The following PARD3 variants were observed in gnomAD, a reference collection of about 807,000 sequenced individuals.
PARD3 encodes the protein partitioning defective 3 homolog.
PARD3 carries 75 observed loss-of-function variants against 155.4 expected under a neutral mutation model. The ratio of observed to expected loss-of-function variants is 0.48; its 90% CI spans 0.40 to 0.58. PARD3 has a LOEUF of 0.58. PARD3 is among the 20% of genes least tolerant of loss of function. The pLI is 0.00. For missense variants in PARD3, 1,642 were observed against 1,721.7 expected, an observed-to-expected ratio of 0.95 and a Z score of 0.82; for synonymous variants, 576 against 610.5, an observed-to-expected ratio of 0.94 and a Z score of 0.83.
chr10:34,486,958 C>G (rs1398224318), intron 3 of PARD3, among the ~76,000 whole-genome samples: 1 of 152,100 alleles, frequency 6.6e-6, no homozygotes, highest in Non-Finnish European at 1.5e-5. Context: ...TTTATTCTCT[C>G]TCTCCAGGCC....
intron 22 of PARD3, among the ~76,000 whole-genome samples, chr10:34,140,072 C>T (rs935717706): frequency 1.3e-5 from 2 of 152,074 alleles, no homozygotes; most frequent in Non-Finnish European, 2.9e-5. Context: ...CATTACACCC[C>T]GTGTGTTAAA....
chr10:34,172,664 C>T (rs1228681111), intron 22 of PARD3, among the ~76,000 whole-genome samples: 1 of 150,286 alleles, frequency 6.7e-6, no homozygotes, highest in Middle Eastern at 3.4e-3. Flanking sequence ...ACTCACTGCA[C>T]AAGTCAGTTT....
At chr10:34,732,337 T>A (rs1017514053) in intron 1 of PARD3, among the ~76,000 whole-genome samples, 1 of 152,178 alleles carries the variant, frequency 6.6e-6, no homozygotes, top group Non-Finnish European at 1.5e-5. Flanking sequence ...CACTAATCCC[T>A]TTGTCCACCC....
intron 22 of PARD3, among the ~76,000 whole-genome samples, chr10:34,149,668 TC>T (rs1386496161): frequency 6.6e-6 from 1 of 152,166 alleles, no homozygotes; most frequent in Non-Finnish European, 1.5e-5. Context: ...ATAAGAAAAT[TC>T]ATGAATCTCA....
chr10:34,284,010 G>C, intron 21 of PARD3, 125 bp downstream of exon 21: 2 of 620,814 alleles, frequency 3.2e-6, no homozygotes, highest in South Asian at 1.9e-5. Flanking sequence ...ATCAATATTT[G>C]GGTTGATACA....
chr10:34,177,894 C>T (rs1431679825), intron 22 of PARD3, among the ~76,000 whole-genome samples: 1 of 152,176 alleles, frequency 6.6e-6, no homozygotes, highest in Non-Finnish European at 1.5e-5. Flanking sequence ...CTGAGGACTT[C>T]TGGCCCTCAG....
At chr10:34,735,589 G>A (rs1013897313) in intron 1 of PARD3, among the ~76,000 whole-genome samples, 3 of 152,080 alleles carry the variant, frequency 2.0e-5, no homozygotes, top group African/African-American at 7.2e-5. Flanking sequence ...GGCTTCATCA[G>A]CAATGAATAT....
At chr10:34,207,735 A>T (rs762835978) in intron 22 of PARD3, among the ~76,000 whole-genome samples, 29 of 152,360 alleles carry the variant, frequency 1.9e-4, no homozygotes, top group Non-Finnish European at 5.9e-5. Context: ...GATATTTACC[A>T]AGAGTTTCGT....
At chr10:34,301,818 CTTT>C (rs5784408) in intron 20 of PARD3, among the ~76,000 whole-genome samples, 9 of 125,866 alleles carry the variant, frequency 7.2e-5, no homozygotes, top group African/African-American at 2.7e-4. Flanking sequence ...TTTCTCCTTT[CTTT>C]TTTTTTTTTT....
intron 3 of PARD3, among the ~76,000 whole-genome samples, chr10:34,510,128 C>G (rs77008664): frequency 9.5e-4 from 144 of 152,238 alleles, no homozygotes; most frequent in African/African-American, 3.3e-3. Context: ...CATTTACTCC[C>G]TAAGTTCTGA....
chr10:34,576,293 A>G (rs2086881935), intron 2 of PARD3, among the ~76,000 whole-genome samples: 1 of 152,124 alleles, frequency 6.6e-6, no homozygotes, highest in African/African-American at 2.4e-5. Flanking sequence ...CCTCACCCCA[A>G]TTCTCGCCAT....
intron 2 of PARD3, among the ~76,000 whole-genome samples, chr10:34,656,474 T>C (rs1431864957): frequency 6.6e-6 from 1 of 152,162 alleles, no homozygotes; most frequent in Non-Finnish European, 1.5e-5. Context: ...ATATCGAGGG[T>C]AGCATAATTA....
At chr10:34,182,812 G>A (rs934131490) in intron 22 of PARD3, among the ~76,000 whole-genome samples, 4 of 151,086 alleles carry the variant, frequency 2.6e-5, no homozygotes, top group Non-Finnish European at 4.4e-5. Context: ...TTAGTGAGAC[G>A]TAACTATTGG....
At chr10:34,719,830 A>C (rs558293843) in intron 1 of PARD3, among the ~76,000 whole-genome samples, 1 of 152,342 alleles carries the variant, frequency 6.6e-6, no homozygotes, top group South Asian at 2.1e-4. Flanking sequence ...GCACCTCCTC[A>C]TATGTGAAAT....
rs115076370 is a variant in PARD3, at chr10:34,382,689, G to A, written c.1250C>T (p.Ser417Phe). The change falls in exon 9 of 25, where the codon TCT becomes TTT. Residue 417 changes from serine (S) to phenylalanine (F), a missense_variant. This residue lies in a region of PARD3 where 1,529 missense variants were observed against 1,587.3 expected (regional missense o/e 0.96). Coordinates refer to ENST00000374788, the MANE Select transcript of PARD3 (RefSeq NM_001184785.2). ...RLNHPPEQID[S>F]HSRLPHSAHP... ...TGCGCTATGAGGTAGTCTTGAGTGA[G>A]AGTCTATCTGCTCAGGCGGGTGGTT... 2.7e-4 allele frequency: 429 copies of A among 1,614,190 alleles called. 2 individuals carry two copies. The African/African-American group carries it at 5.2e-3, about 20-fold the overall frequency.
chr10:34,786,644 C>T (rs1840996528), intron 1 of PARD3, among the ~76,000 whole-genome samples: 1 of 152,056 alleles, frequency 6.6e-6, no homozygotes, highest in Non-Finnish European at 1.5e-5. Flanking sequence ...ATGTGCCTGC[C>T]AGCGTATGAC....
intron 5 of PARD3, among the ~76,000 whole-genome samples, chr10:34,443,899 C>T (rs1589597519): frequency 1.3e-5 from 2 of 152,172 alleles, no homozygotes; most frequent in East Asian, 3.8e-4. Context: ...GCCTCTGAGA[C>T]TTTGAGACTT....
At chr10:34,249,926 A>T (rs765224575) in intron 22 of PARD3, among the ~76,000 whole-genome samples, 1 of 152,200 alleles carries the variant, frequency 6.6e-6, no homozygotes, top group Non-Finnish European at 1.5e-5. Context: ...CTAGAGAAAT[A>T]TTTTGAAAAT....
At position 34,620,035 on chromosome 10, in the gene PARD3, ACCT is replaced by A. The variant is rs113746819; in HGVS notation, c.222+76280_222+76282del. ...TATAAAGAACACACACACCACCACC[ACCT>A]CCTCCTCAGAGACCCCACTCTCATG... On this transcript the variant is annotated intron_variant, in intron 2 of 24. Transcript: ENST00000374788. 2.0e-3 allele frequency among the ~76,000 whole-genome samples: 305 copies of A among 151,988 alleles called. 2 individuals are homozygous for A. Among genetic ancestry groups the A allele is most frequent in the African/African-American group, 7.1e-3 (293 of 41,446 alleles).
Sources: gnomAD v4.1 joint callset for allele counts (sites outside exome capture counted in the v4.1 genomes callset) on GRCh38, gnomAD v4.1.1 for gene constraint, gnomAD v4.1.1 regional missense constraint, MANE v1.5 for transcripts, NCBI Gene and HGNC (gene_info 2026-07-23, HGNC 2026-07-21) for gene names.